The following NPAS2 variants were observed in gnomAD, a reference collection of about 807,000 sequenced individuals.
NPAS2 encodes neuronal PAS domain-containing protein 2.
A neutral mutation model predicts 107.5 loss-of-function variants in NPAS2; 23 were observed. The ratio of observed to expected loss-of-function variants is 0.21; its 90% confidence interval spans 0.15 to 0.30. NPAS2 has a LOEUF of 0.30. Ranked by LOEUF, NPAS2 falls within the 10% of genes least tolerant of loss-of-function variation. The probability of loss-of-function intolerance (pLI) is 1.00; values close to 1 mark genes in which losing one functional copy is unlikely to be tolerated. For synonymous variants in NPAS2, 403 were observed against 417.5 expected (o/e 0.97, Z 0.42); for missense variants, 756 against 1,043.3 (o/e 0.72, Z 3.79).
At chr2:100,973,239 A>G (rs1573761556) in intron 12 of NPAS2, among the ~76,000 whole-genome samples, 2 of 152,206 alleles carry the variant, frequency 1.3e-5, no homozygotes, top group East Asian at 3.8e-4. Context: ...CTTTAAAGTA[A>G]AAGCTCCCAA....
chr2:100,988,326 C>A, intron 17 of NPAS2, 50 bp downstream of exon 17: 2 of 1,521,832 alleles, frequency 1.3e-6, no homozygotes, highest in Non-Finnish European at 9.1e-7. Flanking sequence ...AGCAGACACC[C>A]TCTTGCAGTT....
chr2:100,874,957 A>G (rs1679862568), intron 1 of NPAS2, among the ~76,000 whole-genome samples: 2 of 152,126 alleles, frequency 1.3e-5, no homozygotes, highest in South Asian at 4.2e-4. Flanking sequence ...CTCATGCTGG[A>G]TCATTTGTCT....
At chr2:100,947,886 C>G (rs1015437199) in intron 5 of NPAS2, among the ~76,000 whole-genome samples, 4 of 152,228 alleles carry the variant, frequency 2.6e-5, no homozygotes, top group African/African-American at 9.6e-5. Flanking sequence ...TGGCCTCGCA[C>G]TGGGCGTGCA....
chr2:100,959,108 A>C (rs11890371), intron 7 of NPAS2, among the ~76,000 whole-genome samples: 2 of 43,438 alleles, frequency 4.6e-5, no homozygotes, highest in African/African-American at 9.2e-5. Context: ...AAAAAAAAAA[A>C]ACAAAACTAA....
At chr2:100,894,802 T>G (rs1269123345) in intron 1 of NPAS2, among the ~76,000 whole-genome samples, 1 of 152,146 alleles carries the variant, frequency 6.6e-6, no homozygotes, top group East Asian at 1.9e-4. Context: ...TGGGTGCTGA[T>G]CACAAGCGAC....
rs535280705 is a variant in NPAS2, at chr2:100,981,431, T to C, written c.1483-800T>C. On this transcript the variant is annotated intron_variant, in intron 15 of 20. Transcript: ENST00000335681. The stretch of plus-strand genomic sequence containing the variant: ...CTCCTGCCATCCCTCCCAAACAGTG[T>C]TTCCTGGAAGCGGAGGAGCCTGTGT... Among the ~76,000 whole-genome samples the C allele has an allele frequency of 1.8e-3, 281 of 152,238 alleles. 2 individuals are homozygous for C. The highest frequency in any genetic ancestry group is 6.3e-3 in the African/African-American group (261 of 41,556).
At chr2:100,986,144 A>C (rs1247344405) in intron 16 of NPAS2, 1 of 152,160 alleles carries the variant, frequency 6.6e-6, no homozygotes, top group Non-Finnish European at 1.5e-5. Flanking sequence ...TTAATTTCTA[A>C]AGTGACAAGG....
chr2:100,846,329 A>G (rs939211928), intron 1 of NPAS2, among the ~76,000 whole-genome samples: 1 of 152,256 alleles, frequency 6.6e-6, no homozygotes, highest in African/African-American at 2.4e-5. Flanking sequence ...CGCTTAAAGT[A>G]TTAAAGTTTT....
intron 4 of NPAS2, chr2:100,934,821 G>C (rs1474931191): frequency 1.1e-5 from 11 of 985,390 alleles, no homozygotes; most frequent in African/African-American, 1.7e-5. Context: ...CCATAGCATG[G>C]GTCTCTCTCC....
chr2:100,869,054 G>GA (rs1306897958), intron 1 of NPAS2, among the ~76,000 whole-genome samples: 1 of 151,878 alleles, frequency 6.6e-6, no homozygotes, highest in Non-Finnish European at 1.5e-5. Context: ...TCAGCCTCCT[G>GA]AGTAGCTAGG....
At chr2:100,901,570 A>G (rs1401667513) in intron 1 of NPAS2, 2 of 984,248 alleles carry the variant, frequency 2.0e-6, no homozygotes, top group East Asian at 1.1e-4. Context: ...TCCTGCAGAC[A>G]TGGCTAAAGG....
At chr2:100,988,368 A>T (rs1347795955) in intron 17 of NPAS2, 92 bp downstream of exon 17, 5 of 1,074,320 alleles carry the variant, frequency 4.7e-6, no homozygotes, top group East Asian at 2.4e-5. Flanking sequence ...AGCCTACGTG[A>T]ACTGAGGCCT....
intron 13 of NPAS2, 34 bp from the exon 14 acceptor site, chr2:100,975,424 G>A (rs775146587): frequency 1.3e-6 from 2 of 1,580,242 alleles, no homozygotes; most frequent in South Asian, 2.3e-5. Context: ...CTAAGTACAT[G>A]GAAGTTAGAA....
chr2:100,831,678 AGATT>A lies in NPAS2; in HGVS notation c.-23+11265_-23+11268del. ...CCCTTCATAGCATTGTGGGAGAGAG[AGATT>A]CATTCACAACCAATTTGCATGGCAA... On this transcript the variant is annotated intron_variant, in intron 1 of 20. Coordinates refer to ENST00000335681, the MANE Select transcript of NPAS2 (RefSeq NM_002518.4). 1.3e-5 allele frequency among the ~76,000 whole-genome samples: 2 copies of A among 152,092 alleles called. 1 individual carries two copies. The highest frequency in any genetic ancestry group is 6.3e-3 in the Middle Eastern group (2 of 316).
chr2:100,856,612 C>T (rs1678567874), intron 1 of NPAS2, among the ~76,000 whole-genome samples: 1 of 150,862 alleles, frequency 6.6e-6, no homozygotes, highest in Admixed American at 6.7e-5. Flanking sequence ...AAATAATGCT[C>T]ACAGAATTCA....
intron 7 of NPAS2, among the ~76,000 whole-genome samples, chr2:100,954,886 T>G (rs200166816): frequency 6.6e-6 from 1 of 150,486 alleles, no homozygotes; most frequent in Non-Finnish European, 1.5e-5. Context: ...TGTTTTTTTT[T>G]GGTTTTTTTG....
intron 15 of NPAS2, among the ~76,000 whole-genome samples, chr2:100,978,538 G>T (rs917358402): frequency 6.6e-6 from 1 of 152,076 alleles, no homozygotes; most frequent in Non-Finnish European, 1.5e-5. Context: ...AAGAAAGAAA[G>T]AAAGAAAGAA....
chr2:100,852,212 C>G (rs376437500), intron 1 of NPAS2, among the ~76,000 whole-genome samples: 18 of 152,030 alleles, frequency 1.2e-4, no homozygotes, highest in Middle Eastern at 3.4e-3. Flanking sequence ...CTGGCTAACA[C>G]GGTGAAACCC....
chr2:100,962,091 T>C (rs1675949136), intron 7 of NPAS2, among the ~76,000 whole-genome samples: 1 of 152,196 alleles, frequency 6.6e-6, no homozygotes, highest in Non-Finnish European at 1.5e-5. Flanking sequence ...GATAAGTTTC[T>C]TGGCTCATCT....
Sources: gnomAD v4.1 joint callset for allele counts (sites outside exome capture counted in the v4.1 genomes callset) on GRCh38, gnomAD v4.1.1 for gene constraint, MANE v1.5 for transcripts, NCBI Gene and HGNC (gene_info 2026-07-23, HGNC 2026-07-21) for gene names.